The following RALGAPB variants were observed in gnomAD, a reference collection of about 807,000 sequenced individuals.
RALGAPB encodes the protein ral GTPase-activating protein subunit beta.
In RALGAPB, 25 loss-of-function variants were observed where a neutral mutation model predicts 161.1. The observed-to-expected ratio is 0.16, with a 90% CI of 0.11 to 0.22. The LOEUF is 0.22. RALGAPB is among the 10% of genes least tolerant of loss of function. The probability of loss-of-function intolerance (pLI) is 1.00; values close to 1 mark genes in which losing one functional copy is unlikely to be tolerated. For synonymous variants in RALGAPB, 629 were observed against 626.1 expected (o/e 1.00, Z -0.07); for missense variants, 1,391 against 1,815.2 (o/e 0.77, Z 4.25).
chr20:38,479,588 T>C (rs2084905991), intron 1 of RALGAPB, among the ~76,000 whole-genome samples: 1 of 151,996 alleles, frequency 6.6e-6, no homozygotes, highest in South Asian at 2.1e-4. Flanking sequence ...ACATATAGAG[T>C]TGGGAAGGAA....
intron 2 of RALGAPB, among the ~76,000 whole-genome samples, chr20:38,491,830 T>C (rs1366493821): frequency 3.3e-5 from 5 of 152,224 alleles, no homozygotes; most frequent in Non-Finnish European, 7.3e-5. Flanking sequence ...AGTAACCCTA[T>C]TAATAAAGGA....
chr20:38,529,310 A>G (rs805559), intron 13 of RALGAPB, among the ~76,000 whole-genome samples: 131,726 of 152,106 alleles, frequency 0.87, 57,078 homozygotes, highest in East Asian at 0.91. Flanking sequence ...GAGGTGGGTG[A>G]CTCACGAGAC....
intron 9 of RALGAPB, among the ~76,000 whole-genome samples, chr20:38,520,806 C>A (rs2086268520): frequency 6.6e-6 from 1 of 152,048 alleles, no homozygotes; most frequent in Non-Finnish European, 1.5e-5. Context: ...ATAAAAGCAA[C>A]TTTCAAAGGG....
At chr20:38,551,283 C>T (rs2087365402) in intron 21 of RALGAPB, 60 bp downstream of exon 21, 2 of 1,550,264 alleles carry the variant, frequency 1.3e-6, no homozygotes, top group Non-Finnish European at 1.8e-6. Context: ...TTACGACTTC[C>T]TTGGTCAAGA....
In RALGAPB at chr20:38,525,926, A is replaced by T. The variant is rs535559795; in HGVS notation, c.1934A>T (p.Asp645Val). The T allele has an allele frequency of 1.2e-6, 2 of 1,613,614 alleles. No homozygotes were observed. Among genetic ancestry groups the T allele is most frequent in the East Asian group, 2.2e-5 (1 of 44,884 alleles). The change falls in exon 13 of 30, where the codon GAC becomes GTC. Residue 645 changes from aspartate (D) to valine (V), a missense_variant. Asp to Val is a radical substitution (Grantham distance 152). Transcript: ENST00000262879. Reference sequence around the variant, plus strand: ...CTGGAAGGAAAGTTTAGTAACGATGACAGCTCTTCTTATGATAAACCAATA... The same window carrying T: ...CTGGAAGGAAAGTTTAGTAACGATGTCAGCTCTTCTTATGATAAACCAATA... ...VVLEGKFSND[D>V]SSSYDKPITF...
intron 24 of RALGAPB, 103 bp from the exon 25 acceptor site, chr20:38,565,256 C>A (rs2087950983): frequency 7.6e-7 from 1 of 1,313,294 alleles, no homozygotes; most frequent in Non-Finnish European, 1.0e-6. Flanking sequence ...AACATATATT[C>A]TATTTATCAC....
chr20:38,528,783 C>G (rs866413838), intron 13 of RALGAPB, among the ~76,000 whole-genome samples: 2 of 152,014 alleles, frequency 1.3e-5, no homozygotes. Context: ...TGGGTTCAAG[C>G]AATTCTTCCA....
intron 18 of RALGAPB, among the ~76,000 whole-genome samples, chr20:38,543,116 T>C (rs1043726238): frequency 6.6e-6 from 1 of 152,166 alleles, no homozygotes; most frequent in Non-Finnish European, 1.5e-5. Context: ...GCTCATCTGT[T>C]TCGCTTCAGC....
At chr20:38,557,946 A>G (rs1174657368) in intron 22 of RALGAPB, among the ~76,000 whole-genome samples, 1 of 152,242 alleles carries the variant, frequency 6.6e-6, no homozygotes, top group East Asian at 1.9e-4. Context: ...GAAACTGCCA[A>G]ACTGTCTTCC....
intron 3 of RALGAPB, among the ~76,000 whole-genome samples, chr20:38,496,453 A>G (rs2085430115): frequency 6.6e-6 from 1 of 152,168 alleles, no homozygotes; most frequent in African/African-American, 2.4e-5. Flanking sequence ...TTTTTTCAGT[A>G]ATATTAGATA....
chr20:38,519,533 T>G (rs1056676850), intron 9 of RALGAPB, among the ~76,000 whole-genome samples: 2 of 152,170 alleles, frequency 1.3e-5, no homozygotes, highest in Non-Finnish European at 2.9e-5. Context: ...TAGATCTTTT[T>G]GCTCTCCAGG....
chr20:38,490,033 G>C (rs6070345), intron 2 of RALGAPB, among the ~76,000 whole-genome samples: 29 of 148,328 alleles, frequency 2.0e-4, no homozygotes, highest in African/African-American at 6.7e-4. Flanking sequence ...TTTTTGAGAC[G>C]GAGTCTCGCT....
chr20:38,531,784 G>A, intron 14 of RALGAPB, among the ~76,000 whole-genome samples: 1 of 152,170 alleles, frequency 6.6e-6, no homozygotes, highest in East Asian at 1.9e-4. Context: ...TTGGGTAGAT[G>A]TAGTAAGCTG....
At chr20:38,538,452 GC>G in intron 16 of RALGAPB, 1 of 165,466 alleles carries the variant, frequency 6.0e-6, no homozygotes. Flanking sequence ...GCTCTACCCA[GC>G]CCCAACTGTG....
At chr20:38,513,949 CT>C (rs1204965553) in intron 6 of RALGAPB, among the ~76,000 whole-genome samples, 2 of 151,988 alleles carry the variant, frequency 1.3e-5, no homozygotes, top group African/African-American at 4.8e-5. Context: ...TTTTGTGTTC[CT>C]TAAGAGTTTG....
chr20:38,488,490 A>G lies in RALGAPB; in HGVS notation c.58A>G (p.Ser20Gly). 4 of 1,614,236 alleles carry G rather than the reference A, an allele frequency of 2.5e-6. No individual in the cohort carries two copies. Among genetic ancestry groups the G allele is most frequent in the Non-Finnish European group, 3.4e-6 (4 of 1,180,040 alleles). Residue 20 changes from serine (S) to glycine (G), a missense_variant, in exon 2 of 30, where the codon AGT (serine) becomes GGT (glycine). By Grantham distance (56) the Ser-to-Gly change is moderately conservative. Coordinates refer to ENST00000262879, the MANE Select transcript of RALGAPB (RefSeq NM_020336.4). Reference protein sequence around the residue: ...LVIQNDQGHTSVLHSYPESVG... With the variant: ...LVIQNDQGHTGVLHSYPESVG... ...GATTCAGAATGATCAAGGCCATACC[A>G]GTGTGCTGCACAGCTATCCAGAGAG...
chr20:38,476,903 G>A (rs1047580298), intron 1 of RALGAPB, among the ~76,000 whole-genome samples: 6 of 152,148 alleles, frequency 3.9e-5, no homozygotes, highest in Admixed American at 6.5e-5. Context: ...TTTACTGAAC[G>A]CATATCACTT....
At chr20:38,531,391 G>T (rs1180287848) in intron 14 of RALGAPB, among the ~76,000 whole-genome samples, 160 bp downstream of exon 14, 2 of 152,082 alleles carry the variant, frequency 1.3e-5, no homozygotes, top group Non-Finnish European at 2.9e-5. Context: ...TATATTTTGA[G>T]GTTTGCTTTT....
chr20:38,563,805 G>A (rs1264388486), intron 24 of RALGAPB, among the ~76,000 whole-genome samples: 2 of 152,138 alleles, frequency 1.3e-5, no homozygotes, highest in Non-Finnish European at 2.9e-5. Context: ...CATTTGATTA[G>A]CATTCCTGTT....
Sources: gnomAD v4.1 joint callset for allele counts (sites outside exome capture counted in the v4.1 genomes callset) on GRCh38, gnomAD v4.1.1 for gene constraint, MANE v1.5 for transcripts, NCBI Gene and HGNC (gene_info 2026-07-23, HGNC 2026-07-21) for gene names.